The following LYG2 variants were observed in gnomAD, a reference collection of about 807,000 sequenced individuals.
LYG2 encodes the protein lysozyme g2.
In LYG2, 25 loss-of-function variants were observed where a neutral mutation model predicts 22.4. The ratio of observed to expected loss-of-function variants is 1.12; its 90% CI spans 0.81 to 1.56. The LOEUF (loss-of-function observed/expected upper bound fraction) is 1.56. LYG2 is among the 40% of genes most tolerant of loss of function. The pLI, the probability that LYG2 is intolerant of heterozygous loss-of-function variation, is 0.00. For synonymous variants in LYG2, 88 were observed against 97.0 expected (o/e 0.91, Z 0.55); for missense variants, 266 against 269.5 (o/e 0.99, Z 0.09).
chr2:99,251,145 A>G (rs2094025887), intron 3 of LYG2, among the ~76,000 whole-genome samples: 2 of 152,158 alleles, frequency 1.3e-5, no homozygotes, highest in African/African-American at 4.8e-5. Flanking sequence ...GGGATAGACT[A>G]ACTATCTTTT....
chr2:99,257,238 TTAATA>T, upstream of LYG2, among the ~76,000 whole-genome samples: 1 of 152,360 alleles, frequency 6.6e-6, no homozygotes, highest in South Asian at 2.1e-4. Flanking sequence ...AAAATGCAAA[TTAATA>T]TAAGTTAACT....
upstream of LYG2, among the ~76,000 whole-genome samples, chr2:99,257,148 C>T (rs1334717296): frequency 6.6e-6 from 1 of 152,202 alleles, no homozygotes; most frequent in African/African-American, 2.4e-5. Context: ...AAGCATTGTC[C>T]GTGGTCTGGA....
Position 99,242,345 on chromosome 2 carries a change from C to A in LYG2, c.*19G>T, listed in dbSNP as rs770994782. ...CCATCTGAGCACTCTGCCAACCTGG[C>A]CCACCCACAGAGCTTTGCCTAGAAG... On this transcript the variant is annotated 3_prime_UTR_variant, in exon 7 of 7. Coordinates refer to ENST00000333017, the MANE Select transcript of LYG2 (RefSeq NM_175735.4). 1.9e-5 allele frequency: 30 copies of A among 1,542,702 alleles called. No homozygotes were observed. The highest frequency in any genetic ancestry group is 2.7e-5 in the Non-Finnish European group (30 of 1,120,676).
chr2:99,257,549 C>T (rs1027932275), upstream of LYG2, among the ~76,000 whole-genome samples: 1 of 152,202 alleles, frequency 6.6e-6, no homozygotes, highest in African/African-American at 2.4e-5. Context: ...GTAAGTTGTA[C>T]TGTTATTTCC....
At chr2:99,257,069 G>C (rs2094037667), upstream of LYG2, among the ~76,000 whole-genome samples, 1 of 152,206 alleles carries the variant, frequency 6.6e-6, no homozygotes, top group Non-Finnish European at 1.5e-5. Flanking sequence ...CTGTATCGAA[G>C]TGCCAGCACG....
At chr2:99,260,860 A>C in the LYG2 span, among the ~76,000 whole-genome samples, 2 of 152,236 alleles carry the variant, frequency 1.3e-5, no homozygotes, top group Non-Finnish European at 2.9e-5. Context: ...TGATAGGAGA[A>C]AACTGAGGGA....
Position 99,250,475 on chromosome 2 carries a change from T to C in LYG2, c.44-3655A>G, listed in dbSNP as rs374223969. ...CTGCAAGCTCCGCCTCCTGGGTTCA[T>C]GCCATTCTCCTGCCTCAGCCTCCCC... On this transcript the variant is annotated intron_variant, in intron 3 of 6. Coordinates refer to ENST00000333017, the MANE Select transcript of LYG2 (RefSeq NM_175735.4). Among the ~76,000 whole-genome samples, 163 of 151,144 alleles carry C rather than the reference T, an allele frequency of 1.1e-3. 1 individual carries two copies. The South Asian group carries it at 0.011, about 10-fold the overall frequency.
Position 99,254,299 on chromosome 2 carries a change from A to T in LYG2, c.-25-14T>A, listed in dbSNP as rs1366551985. On this transcript the variant is annotated splice_polypyrimidine_tract_variant and intron_variant, in intron 2 of 6. Coordinates refer to ENST00000333017, the MANE Select transcript of LYG2 (RefSeq NM_175735.4). ...ATCTTCCAGGACCTGCTCTGATTTG[A>T]AATAGAAACTGGTTAATTTTAAAAC... is the stretch of plus-strand genomic sequence containing the variant. The T allele has an allele frequency of 6.3e-7, 1 of 1,590,690 alleles. No individual in the cohort carries two copies. The highest frequency in any genetic ancestry group is 2.2e-5 in the East Asian group (1 of 44,774).
intron 6 of LYG2, among the ~76,000 whole-genome samples, chr2:99,243,223 C>T (rs78516855): frequency 1.3e-5 from 2 of 152,116 alleles, no homozygotes; most frequent in East Asian, 3.9e-4. Context: ...ATCTGGTTTT[C>T]AGGCTGGGAT....
At chr2:99,253,604 C>A (rs1014346846) in intron 3 of LYG2, among the ~76,000 whole-genome samples, 1 of 152,162 alleles carries the variant, frequency 6.6e-6, no homozygotes, top group African/African-American at 2.4e-5. Context: ...ATCTTTCCAG[C>A]CTTCCCCCCA....
chr2:99,248,378 T>C (rs1250436521), intron 3 of LYG2, among the ~76,000 whole-genome samples: 12 of 151,972 alleles, frequency 7.9e-5, no homozygotes, highest in Non-Finnish European at 1.6e-4. Flanking sequence ...GTGGCACATA[T>C]ACACCATGGA....
intron 3 of LYG2, among the ~76,000 whole-genome samples, chr2:99,249,942 A>C (rs1205608060): frequency 6.6e-6 from 1 of 151,942 alleles, no homozygotes; most frequent in Non-Finnish European, 1.5e-5. Context: ...GGGAATATGC[A>C]TGGGCTGCTA....
chr2:99,257,515 C>T (rs1019530909), upstream of LYG2, among the ~76,000 whole-genome samples: 13 of 152,168 alleles, frequency 8.5e-5, 1 homozygote, highest in Non-Finnish European at 1.8e-4. Flanking sequence ...CATCTCTTCC[C>T]AGGGATACCA....
chr2:99,256,201 G>A (rs1214590018), upstream of LYG2, among the ~76,000 whole-genome samples: 2 of 152,168 alleles, frequency 1.3e-5, no homozygotes, highest in Non-Finnish European at 2.9e-5. Context: ...CCAAGCTGAG[G>A]TCTGCACAGT....
intron 3 of LYG2, among the ~76,000 whole-genome samples, chr2:99,253,918 G>A (rs1005596162): frequency 2.6e-5 from 4 of 151,956 alleles, no homozygotes; most frequent in African/African-American, 9.7e-5. Context: ...TGCTTCCAAG[G>A]CACTGTTCCA....
chr2:99,245,563 G>A (rs1424554544), intron 4 of LYG2, 105 bp from the exon 5 acceptor site: 2 of 553,046 alleles, frequency 3.6e-6, no homozygotes, highest in Non-Finnish European at 5.7e-6. Context: ...TTGAACCCAG[G>A]AGGAGTTCGA....
intron 6 of LYG2, 135 bp downstream of exon 6, chr2:99,243,864 A>G: frequency 1.0e-6 from 1 of 958,170 alleles, no homozygotes; most frequent in Admixed American, 2.4e-5. Context: ...GGGAATGCAA[A>G]TGCAGCCTCT....
intron 3 of LYG2, among the ~76,000 whole-genome samples, chr2:99,247,356 G>T (rs1385404894): frequency 6.6e-6 from 1 of 152,052 alleles, no homozygotes; most frequent in Non-Finnish European, 1.5e-5. Flanking sequence ...CTCCCAAAGT[G>T]CTGGGATTAC....
chr2:99,245,287 C>T lies in LYG2; in HGVS notation c.356G>A (p.Arg119Lys). ...CTGCATCAAGCCAAATTTAAGTCCC[C>T]TGTGGTCCCAGCCGTCTTGCAGGAC... ...GSVLQDGWDHRGLKFGLMQLD... is the reference protein window; with the variant it reads ...GSVLQDGWDHKGLKFGLMQLD... Residue 119 changes from arginine (R) to lysine (K), a missense_variant, in exon 5 of 7, where the codon AGG (arginine) becomes AAG (lysine). Arg to Lys is a conservative substitution (Grantham distance 26, BLOSUM62 2). Coordinates refer to ENST00000333017, the MANE Select transcript of LYG2 (RefSeq NM_175735.4). 1 of 1,608,248 alleles carries T rather than the reference C, an allele frequency of 6.2e-7. No individual in the cohort carries two copies. The highest frequency in any genetic ancestry group is 8.5e-7 in the Non-Finnish European group (1 of 1,177,050).
Sources: gnomAD v4.1 joint callset for allele counts (sites outside exome capture counted in the v4.1 genomes callset) on GRCh38, gnomAD v4.1.1 for gene constraint, MANE v1.5 for transcripts, NCBI Gene and HGNC (gene_info 2026-07-23, HGNC 2026-07-21) for gene names.